The following TENM3 variants were observed in gnomAD, a reference collection of about 807,000 sequenced individuals.
TENM3 encodes the protein teneurin transmembrane protein 3, also known as teneurin-3.
In TENM3, 63 loss-of-function variants were observed where a neutral mutation model predicts 255.1. That is an observed-to-expected ratio of 0.25 (90% confidence interval 0.20 to 0.30). The LOEUF (loss-of-function observed/expected upper bound fraction) is 0.30, where lower values mean the gene tolerates loss of function less well. Among genes scored for constraint, TENM3 ranks in the 10% least tolerant of loss-of-function variants. The pLI is 1.00. For missense variants in TENM3, 2,929 were observed against 3,461.1 expected, an observed-to-expected ratio of 0.85 and a Z score of 3.86; for synonymous variants, 1,306 against 1,322.3, an observed-to-expected ratio of 0.99 and a Z score of 0.27.
chr4:182,271,081 G>T (rs1274203591), intron 1 of TENM3, among the ~76,000 whole-genome samples: 2 of 152,038 alleles, frequency 1.3e-5, no homozygotes, highest in East Asian at 1.9e-4. Flanking sequence ...TCTTATCTCT[G>T]GTCATTTTAA....
intron 1 of TENM3, among the ~76,000 whole-genome samples, chr4:182,246,371 A>G (rs1757650211): frequency 6.8e-6 from 1 of 146,764 alleles, no homozygotes; most frequent in Admixed American, 7.0e-5. Flanking sequence ...CTCAGGAATA[A>G]CATTTTAGAT....
chr4:182,439,253 A>G (rs1772274337), intron 3 of TENM3, among the ~76,000 whole-genome samples: 1 of 150,942 alleles, frequency 6.6e-6, no homozygotes, highest in South Asian at 2.1e-4. Flanking sequence ...CCTGTTTTTC[A>G]CTCTCCCTTC....
intron 1 of TENM3, among the ~76,000 whole-genome samples, chr4:182,207,635 C>T (rs1754675181): frequency 6.6e-6 from 1 of 152,162 alleles, no homozygotes; most frequent in Non-Finnish European, 1.5e-5. Context: ...AACTATACAG[C>T]TCCTTTAGTC....
intron 3 of TENM3, among the ~76,000 whole-genome samples, chr4:182,544,487 T>C (rs2151903625): frequency 6.6e-6 from 1 of 152,066 alleles, no homozygotes; most frequent in African/African-American, 2.4e-5. Flanking sequence ...CCCACCACCA[T>C]GCCTGGCTAA....
intron 1 of TENM3, among the ~76,000 whole-genome samples, chr4:182,184,450 G>A (rs1753021685): frequency 6.8e-6 from 1 of 147,772 alleles, no homozygotes; most frequent in African/African-American, 2.5e-5. Flanking sequence ...CGCATTTGAT[G>A]ATGCCAAAAA....
At chr4:181,783,238 A>T in the TENM3 span, among the ~76,000 whole-genome samples, 5 of 152,146 alleles carry the variant, frequency 3.3e-5, no homozygotes, top group South Asian at 2.1e-4. Context: ...GTCTCCCATT[A>T]TTATTGTGTG....
At chr4:181,756,035 C>T in the TENM3 span, among the ~76,000 whole-genome samples, 2 of 152,146 alleles carry the variant, frequency 1.3e-5, no homozygotes, top group African/African-American at 4.8e-5. Flanking sequence ...AAATAATCCT[C>T]AGTGAGTGTC....
intron 3 of TENM3, among the ~76,000 whole-genome samples, chr4:182,428,728 A>G (rs547303587): frequency 3.8e-4 from 58 of 152,292 alleles, no homozygotes; most frequent in African/African-American, 1.3e-3. Flanking sequence ...TTCGTAAAAT[A>G]TAAGGTGCAT....
At chr4:181,472,242 G>T in the TENM3 span, among the ~76,000 whole-genome samples, 1 of 152,170 alleles carries the variant, frequency 6.6e-6, no homozygotes, top group Non-Finnish European at 1.5e-5. Context: ...GGAAGTAGGA[G>T]GCTGTTTGAC....
chr4:182,252,140 G>A (rs1263712173), intron 1 of TENM3, among the ~76,000 whole-genome samples: 7 of 151,006 alleles, frequency 4.6e-5, no homozygotes, highest in South Asian at 2.1e-4. Context: ...TCAAGATTAC[G>A]CCACTGCACT....
At chr4:181,618,732 G>A in the TENM3 span, among the ~76,000 whole-genome samples, 1 of 152,190 alleles carries the variant, frequency 6.6e-6, no homozygotes. Flanking sequence ...TGGGTGTGTG[G>A]CTACAATTTT....
intron 1 of TENM3, among the ~76,000 whole-genome samples, chr4:182,304,315 C>G (rs1426135284): frequency 6.6e-6 from 1 of 151,880 alleles, no homozygotes; most frequent in South Asian, 2.1e-4. Flanking sequence ...CGGGTTCAAG[C>G]GATTCTCCTC....
chr4:182,038,741 T>A, the TENM3 span, among the ~76,000 whole-genome samples: 9 of 152,070 alleles, frequency 5.9e-5, no homozygotes, highest in African/African-American at 1.9e-4. Context: ...TTTATTATGA[T>A]TATTTTTTTG....
chr4:181,551,840 G>GTATA, the TENM3 span, among the ~76,000 whole-genome samples: 6 of 1,056 alleles, frequency 5.7e-3, no homozygotes, highest in East Asian at 0.056. Flanking sequence ...ATATGTATAT[G>GTATA]TGTGTGTGTG....
the TENM3 span, among the ~76,000 whole-genome samples, chr4:181,786,380 A>G: frequency 6.6e-6 from 1 of 152,308 alleles, no homozygotes; most frequent in Non-Finnish European, 1.5e-5. Context: ...AGTCATACAA[A>G]ATATGAGCTC....
At chr4:182,460,340 A>G (rs534362899) in intron 3 of TENM3, among the ~76,000 whole-genome samples, 38 of 152,316 alleles carry the variant, frequency 2.5e-4, no homozygotes, top group African/African-American at 6.5e-4. Flanking sequence ...TGACTTAGCC[A>G]TAATCTGATA....
At chr4:182,313,624 T>A (rs1044927988) in intron 1 of TENM3, among the ~76,000 whole-genome samples, 1 of 152,018 alleles carries the variant, frequency 6.6e-6, no homozygotes, top group Non-Finnish European at 1.5e-5. Flanking sequence ...TTTTCCAGTT[T>A]CCAGAAGGAA....
intron 6 of TENM3, among the ~76,000 whole-genome samples, chr4:182,656,253 C>T (rs956696674): frequency 1.3e-5 from 2 of 152,174 alleles, no homozygotes; most frequent in African/African-American, 4.8e-5. Flanking sequence ...AATTTCCCTG[C>T]ATGGAAAAGC....
chr4:181,973,964 G>T, the TENM3 span, among the ~76,000 whole-genome samples: 4 of 152,196 alleles, frequency 2.6e-5, no homozygotes, highest in Non-Finnish European at 4.4e-5. Flanking sequence ...GCAGGGGTAG[G>T]CTGGGAGAGC....
Sources: gnomAD v4.1 joint callset for allele counts (sites outside exome capture counted in the v4.1 genomes callset) on GRCh38, gnomAD v4.1.1 for gene constraint, MANE v1.5 for transcripts, NCBI Gene and HGNC (gene_info 2026-07-23, HGNC 2026-07-21) for gene names.